Variants in SNX18 observed in about 807,000 individuals in gnomAD.
The protein encoded by SNX18 is sorting nexin-18.
A neutral mutation model predicts 48.7 loss-of-function variants in SNX18; 35 were observed. The ratio of observed to expected loss-of-function variants is 0.72; its 90% CI spans 0.55 to 0.95. The LOEUF is 0.95. Among genes scored for constraint, SNX18 ranks in the 40% least tolerant of loss-of-function variants. The pLI is 0.00. For missense variants in SNX18, 824 were observed against 871.0 expected (o/e 0.95, Z 0.68); for synonymous variants, 492 against 384.7 (o/e 1.28, Z -3.26).
At chr5:54,640,620 T>C in the SNX18 span, among the ~76,000 whole-genome samples, 1 of 152,222 alleles carries the variant, frequency 6.6e-6, no homozygotes, top group African/African-American at 2.4e-5. Flanking sequence ...CATAAAATCG[T>C]GCACCCTTTA....
the SNX18 span, among the ~76,000 whole-genome samples, chr5:54,572,637 G>A: frequency 1.3e-4 from 20 of 150,382 alleles, no homozygotes; most frequent in South Asian, 6.3e-4. Flanking sequence ...TAAATGTTGC[G>A]TTCTATTTCA....
chr5:54,524,362 C>T (rs772483290), intron 1 of SNX18, among the ~76,000 whole-genome samples: 1 of 152,100 alleles, frequency 6.6e-6, no homozygotes. Context: ...ACAGTGGGAC[C>T]GAAGGGAGGC....
intron 1 of SNX18, among the ~76,000 whole-genome samples, chr5:54,540,347 C>T (rs1489235527): frequency 6.6e-6 from 1 of 152,108 alleles, no homozygotes; most frequent in African/African-American, 2.4e-5. Context: ...TCCTGAGTAG[C>T]TGAGACTATA....
the SNX18 span, among the ~76,000 whole-genome samples, chr5:54,591,662 A>G: frequency 6.6e-6 from 1 of 152,368 alleles, no homozygotes; most frequent in African/African-American, 2.4e-5. Flanking sequence ...TAGAAAGAGA[A>G]ATATCTTTTC....
the SNX18 span, among the ~76,000 whole-genome samples, chr5:54,643,143 C>G: frequency 2.0e-5 from 3 of 152,260 alleles, no homozygotes; most frequent in South Asian, 2.1e-4. Flanking sequence ...GGCTCACTTT[C>G]AAGCAGTGGG....
chr5:54,641,727 C>G, the SNX18 span, among the ~76,000 whole-genome samples: 17 of 152,252 alleles, frequency 1.1e-4, no homozygotes, highest in East Asian at 2.9e-3. Flanking sequence ...TTGAGGAGGA[C>G]GCTTTGCTAT....
intron 1 of SNX18, among the ~76,000 whole-genome samples, chr5:54,533,065 G>A (rs1762280882): frequency 6.6e-6 from 1 of 152,092 alleles, no homozygotes; most frequent in African/African-American, 2.4e-5. Context: ...AAGCTTAGAG[G>A]CCTGAATTCT....
the SNX18 span, among the ~76,000 whole-genome samples, chr5:54,579,362 A>G: frequency 6.6e-6 from 1 of 151,980 alleles, no homozygotes; most frequent in Non-Finnish European, 1.5e-5. Context: ...AAAAAAAAGT[A>G]ATAATGAGAA....
chr5:54,552,490 C>T, the SNX18 span, among the ~76,000 whole-genome samples: 2 of 152,220 alleles, frequency 1.3e-5, no homozygotes, highest in Admixed American at 6.5e-5. Flanking sequence ...TTCGGACCAG[C>T]ATATTCTGTC....
the SNX18 span, among the ~76,000 whole-genome samples, chr5:54,606,745 A>ATTG: frequency 2.0e-5 from 3 of 152,338 alleles, no homozygotes; most frequent in African/African-American, 7.2e-5. Context: ...AAACATTAGT[A>ATTG]TAATATCACA....
At chr5:54,630,096 C>T in the SNX18 span, among the ~76,000 whole-genome samples, 1 of 152,182 alleles carries the variant, frequency 6.6e-6, no homozygotes, top group Non-Finnish European at 1.5e-5. Context: ...GTCTATACAA[C>T]ACCTGCCAGC....
At chr5:54,568,431 G>A in the SNX18 span, among the ~76,000 whole-genome samples, 2 of 152,154 alleles carry the variant, frequency 1.3e-5, no homozygotes, top group Non-Finnish European at 2.9e-5. Context: ...AGGATGCAAC[G>A]GCACCCTGGT....
At chr5:54,532,383 C>T (rs1460174630) in intron 1 of SNX18, among the ~76,000 whole-genome samples, 1 of 147,676 alleles carries the variant, frequency 6.8e-6, no homozygotes, top group Non-Finnish European at 1.5e-5. Context: ...GAACTGGGCA[C>T]TGCAGACCTG....
the SNX18 span, among the ~76,000 whole-genome samples, chr5:54,588,570 A>G: frequency 2.6e-5 from 4 of 151,764 alleles, no homozygotes; most frequent in African/African-American, 9.7e-5. Context: ...CTCATGATCC[A>G]CCCACCTCAG....
At chr5:54,569,376 A>G in the SNX18 span, among the ~76,000 whole-genome samples, 12 of 152,312 alleles carry the variant, frequency 7.9e-5, no homozygotes, top group South Asian at 1.7e-3. Context: ...TTGATCCATT[A>G]TCTATTGCCA....
At chr5:54,533,103 C>A (rs1257118435) in intron 1 of SNX18, among the ~76,000 whole-genome samples, 1 of 152,074 alleles carries the variant, frequency 6.6e-6, no homozygotes, top group African/African-American at 2.4e-5. Flanking sequence ...CATCAAGTGA[C>A]CAGGTTTTTT....
intron 1 of SNX18, among the ~76,000 whole-genome samples, chr5:54,525,357 A>C (rs1335908239): frequency 6.6e-6 from 1 of 150,840 alleles, no homozygotes; most frequent in African/African-American, 2.5e-5. Context: ...CCAGAGCAAC[A>C]CAGTGAGACC....
the SNX18 span, among the ~76,000 whole-genome samples, chr5:54,576,134 C>T: frequency 3.7e-4 from 57 of 152,278 alleles, no homozygotes; most frequent in African/African-American, 1.2e-3. Context: ...GCCATAGCCA[C>T]GGTGCCAGAC....
the SNX18 span, among the ~76,000 whole-genome samples, chr5:54,640,377 C>A: frequency 3.8e-5 from 5 of 130,574 alleles, no homozygotes; most frequent in Non-Finnish European, 6.4e-5. Context: ...CCACACCTGG[C>A]TAATTTTTGT....
Sources: allele counts gnomAD v4.1 joint callset (sites outside exome capture counted in the v4.1 genomes callset), GRCh38; gene constraint gnomAD v4.1.1; transcripts MANE v1.5; gene names NCBI Gene and HGNC (gene_info 2026-07-23, HGNC 2026-07-21).